Variants in SAMMSON observed in about 807,000 individuals in gnomAD.
The protein encoded by SAMMSON is long intergenic non-protein coding RNA 1212.
chr3:70,198,659 C>G (rs1451007147), intron 4 of SAMMSON, among the ~76,000 whole-genome samples: 1 of 152,174 alleles, frequency 6.6e-6, no homozygotes, highest in Non-Finnish European at 1.5e-5. Flanking sequence ...AAGAACCACA[C>G]CATGACTGTT....
chr3:70,392,922 G>T (rs9844328), downstream of SAMMSON, among the ~76,000 whole-genome samples: 2,953 of 152,146 alleles, frequency 0.019, 83 homozygotes, highest in East Asian at 0.11. Context: ...CAGAGAAAAA[G>T]AAGTTTTGGA....
intron 4 of SAMMSON, among the ~76,000 whole-genome samples, chr3:70,136,261 T>A (rs2067505399): frequency 6.6e-6 from 1 of 152,172 alleles, no homozygotes; most frequent in Non-Finnish European, 1.5e-5. Context: ...ACCAAAAAGT[T>A]ATTGTGGTTG....
intron 7 of SAMMSON, among the ~76,000 whole-genome samples, chr3:70,298,491 T>A (rs189642301): frequency 4.9e-4 from 75 of 152,272 alleles, no homozygotes; most frequent in Admixed American, 2.9e-3. Context: ...TAAATATGAA[T>A]GAAGCAATAT....
intron 2 of SAMMSON, among the ~76,000 whole-genome samples, chr3:70,426,474 C>T (rs1211236527): frequency 6.6e-6 from 1 of 152,150 alleles, no homozygotes; most frequent in Non-Finnish European, 1.5e-5. Flanking sequence ...TGCAAGGATT[C>T]CCGGGTTGAG....
chr3:70,332,667 GGCTCACTACAA>G (rs1702630175), intron 7 of SAMMSON: 1 of 151,792 alleles, frequency 6.6e-6, no homozygotes, highest in South Asian at 2.1e-4. Flanking sequence ...GCACGATCTC[GGCTCACTACAA>G]GCTCCGCCTC....
chr3:70,242,720 A>G (rs1409529454), intron 4 of SAMMSON, among the ~76,000 whole-genome samples: 1 of 152,230 alleles, frequency 6.6e-6, no homozygotes, highest in Non-Finnish European at 1.5e-5. Flanking sequence ...ATTACAGTGC[A>G]TTATGTATAA....
At chr3:70,425,508 T>C (rs1482232382) in intron 2 of SAMMSON, among the ~76,000 whole-genome samples, 2 of 151,914 alleles carry the variant, frequency 1.3e-5, no homozygotes, top group Non-Finnish European at 2.9e-5. Flanking sequence ...GCCTCCCAGG[T>C]TCACACCATT....
At chr3:70,107,712 T>C (rs1559792471) in intron 4 of SAMMSON, among the ~76,000 whole-genome samples, 1 of 152,054 alleles carries the variant, frequency 6.6e-6, no homozygotes. Flanking sequence ...AATAGATTTG[T>C]CATACGAATT....
At chr3:70,370,300 C>T (rs752964618) in intron 9 of SAMMSON, among the ~76,000 whole-genome samples, 9 of 151,826 alleles carry the variant, frequency 5.9e-5, no homozygotes, top group South Asian at 2.1e-4. Context: ...CTTTGATATA[C>T]GGATTTCCTT....
At chr3:70,002,795 C>T (rs991904420) in intron 1 of SAMMSON, among the ~76,000 whole-genome samples, 1 of 152,076 alleles carries the variant, frequency 6.6e-6, no homozygotes, top group African/African-American at 2.4e-5. Context: ...ATTGTGGTTA[C>T]ATTTTACATG....
chr3:70,002,619 A>G (rs2066910465), intron 1 of SAMMSON, among the ~76,000 whole-genome samples: 1 of 152,214 alleles, frequency 6.6e-6, no homozygotes. Context: ...CATAGCTGGA[A>G]GTAGAGGCCA....
At chr3:70,196,708 G>T (rs963388115) in intron 4 of SAMMSON, among the ~76,000 whole-genome samples, 5 of 152,158 alleles carry the variant, frequency 3.3e-5, no homozygotes, top group Non-Finnish European at 5.9e-5. Flanking sequence ...ATGTGATCAA[G>T]AATCTTATTT....
chr3:70,215,622 C>G (rs1298472122), intron 4 of SAMMSON, among the ~76,000 whole-genome samples: 7 of 152,060 alleles, frequency 4.6e-5, no homozygotes, highest in Admixed American at 4.6e-4. Context: ...GGTTGATATC[C>G]TTACTAGATC....
rs142203019 is a variant in SAMMSON, at chr3:70,406,985, G to A, written n.233+48661G>A. On this transcript the variant is annotated intron_variant and non_coding_transcript_variant, in intron 2 of 3. Coordinates refer to the SAMMSON transcript ENST00000641053. Reference sequence around the variant, plus strand: ...CTTACAGTTCCACATGGCCAGGGAGGCCTCAGAATCATGGTGGGAGGCGAA... The same window carrying A: ...CTTACAGTTCCACATGGCCAGGGAGACCTCAGAATCATGGTGGGAGGCGAA... 6.6e-5 allele frequency among the ~76,000 whole-genome samples: 10 copies of A among 152,290 alleles called. No individual in the cohort carries two copies. In the East Asian group the frequency reaches 1.9e-3, roughly 29 times the overall value.
At chr3:70,429,526 G>A (rs1486172090) in intron 2 of SAMMSON, among the ~76,000 whole-genome samples, 1 of 151,978 alleles carries the variant, frequency 6.6e-6, no homozygotes, top group East Asian at 1.9e-4. Context: ...AGCTTGATGG[G>A]GATAGCATTG....
At chr3:70,350,244 A>G (rs577340435) in intron 7 of SAMMSON, among the ~76,000 whole-genome samples, 49 of 152,290 alleles carry the variant, frequency 3.2e-4, no homozygotes, top group African/African-American at 1.2e-3. Flanking sequence ...ACATTTTTTG[A>G]TCTCCCAAAT....
chr3:70,425,931 G>A (rs1701362415), intron 2 of SAMMSON, among the ~76,000 whole-genome samples: 2 of 152,124 alleles, frequency 1.3e-5, no homozygotes, highest in Non-Finnish European at 1.5e-5. Context: ...TTTACCATCT[G>A]CAGCCAAGGC....
At chr3:70,326,747 GAT>G (rs1170921235) in intron 7 of SAMMSON, among the ~76,000 whole-genome samples, 2 of 152,038 alleles carry the variant, frequency 1.3e-5, no homozygotes, top group Non-Finnish European at 2.9e-5. Context: ...CCCATAAATA[GAT>G]ATTCTATGGA....
chr3:70,171,090 C>A (rs1273273902), intron 4 of SAMMSON, among the ~76,000 whole-genome samples: 1 of 151,786 alleles, frequency 6.6e-6, no homozygotes, highest in Non-Finnish European at 1.5e-5. Flanking sequence ...TGAAAGACTT[C>A]CAGAAATAAC....
Sources: gnomAD v4.1 joint callset for allele counts (sites outside exome capture counted in the v4.1 genomes callset) on GRCh38, gnomAD v4.1.1 for gene constraint, MANE v1.5 for transcripts, NCBI Gene and HGNC (gene_info 2026-07-23, HGNC 2026-07-21) for gene names.